Variants in SLC38A6 observed in about 807,000 individuals in gnomAD.
The protein encoded by SLC38A6 is solute carrier family 38 member 6.
SLC38A6 carries 73 observed loss-of-function variants against 65.0 expected under a neutral mutation model. The observed-to-expected ratio is 1.12, with a 90% CI of 0.93 to 1.37. The LOEUF (loss-of-function observed/expected upper bound fraction) is 1.37, where lower values mean the gene tolerates loss of function less well. SLC38A6 is among the 40% of genes most tolerant of loss of function. SLC38A6 has a pLI of 0.00. For synonymous variants in SLC38A6, 183 were observed against 178.8 expected (o/e 1.02, Z -0.19); for missense variants, 561 against 531.1 (o/e 1.06, Z -0.55).
intron 15 of SLC38A6, chr14:61,073,778 A>G (rs1260121670): frequency 6.6e-6 from 1 of 152,118 alleles, no homozygotes; most frequent in African/African-American, 2.4e-5. Context: ...ACTTTAGAAC[A>G]ACATGGGTTT....
intron 3 of SLC38A6, among the ~76,000 whole-genome samples, chr14:61,013,270 A>G (rs1203074851): frequency 1.3e-5 from 2 of 152,108 alleles, no homozygotes; most frequent in African/African-American, 2.4e-5. Flanking sequence ...TTTTGAGCCT[A>G]TGTGTGTCTC....
intron 3 of SLC38A6, among the ~76,000 whole-genome samples, chr14:60,995,743 C>T (rs80171803): frequency 1.3e-5 from 2 of 152,072 alleles, no homozygotes; most frequent in Non-Finnish European, 1.5e-5. Flanking sequence ...TCATGTTGTA[C>T]ACCTTAAATG....
intron 3 of SLC38A6, among the ~76,000 whole-genome samples, chr14:61,011,821 A>G (rs1256052601): frequency 6.6e-6 from 1 of 152,180 alleles, no homozygotes; most frequent in Non-Finnish European, 1.5e-5. Flanking sequence ...GATGTTCATC[A>G]GGGATATTGG....
intron 3 of SLC38A6, among the ~76,000 whole-genome samples, chr14:60,999,631 A>G (rs1749799942): frequency 6.6e-6 from 1 of 152,258 alleles, no homozygotes; most frequent in African/African-American, 2.4e-5. Flanking sequence ...AACTTTGCAG[A>G]TGTGACTGAG....
chr14:61,043,574 G>C, intron 10 of SLC38A6, 71 bp downstream of exon 10: 1 of 1,095,004 alleles, frequency 9.1e-7, no homozygotes, highest in South Asian at 1.4e-5. Flanking sequence ...TTGTGTAACA[G>C]GGTCTCTTAG....
intron 3 of SLC38A6, among the ~76,000 whole-genome samples, chr14:61,006,582 C>A (rs1047640150): frequency 2.6e-5 from 4 of 152,186 alleles, no homozygotes; most frequent in Admixed American, 6.5e-5. Flanking sequence ...AAATGCTCAC[C>A]ATCACTGGCC....
At position 61,045,865 on chromosome 14, in the gene SLC38A6, G is replaced by A. The variant is rs28678924; in HGVS notation, c.825-202G>A. 5.2e-3 allele frequency among the ~76,000 whole-genome samples: 782 copies of A among 151,260 alleles called. 5 individuals carry two copies. The highest frequency in any genetic ancestry group is 0.017 in the African/African-American group (704 of 41,184). ...CACACTACTGTATTCCAGCCTGGGC[G>A]ACAGAGCAAGACTCTGTCTCAAAAA... On this transcript the variant is annotated intron_variant, in intron 11 of 15. Coordinates refer to ENST00000267488, the MANE Select transcript of SLC38A6 (RefSeq NM_153811.3).
At chr14:61,008,778 A>AT (rs1048275942) in intron 3 of SLC38A6, among the ~76,000 whole-genome samples, 1 of 152,186 alleles carries the variant, frequency 6.6e-6, no homozygotes, top group Non-Finnish European at 1.5e-5. Flanking sequence ...TAAGAGTATT[A>AT]TTTTTTGTGA....
At chr14:61,055,110 TTTTTTTTC>T (rs1217296134), downstream of SLC38A6, among the ~76,000 whole-genome samples, 1 of 132,512 alleles carries the variant, frequency 7.5e-6, no homozygotes, top group Non-Finnish European at 1.6e-5. Context: ...CTTTTTCTTT[TTTTTTTTC>T]TTTTTTTTTT....
intron 3 of SLC38A6, among the ~76,000 whole-genome samples, chr14:61,007,047 A>G (rs1373661947): frequency 6.6e-6 from 1 of 152,052 alleles, no homozygotes; most frequent in Middle Eastern, 3.2e-3. Flanking sequence ...ATTGGAAATC[A>G]TCATTCTCAG....
intron 5 of SLC38A6, among the ~76,000 whole-genome samples, chr14:61,020,580 A>C (rs571194904): frequency 6.6e-6 from 1 of 152,224 alleles, no homozygotes; most frequent in East Asian, 1.9e-4. Context: ...ATCCTGTTTT[A>C]ATTCTTTGAA....
downstream of SLC38A6, among the ~76,000 whole-genome samples, chr14:61,053,777 C>T (rs538880773): frequency 2.0e-4 from 31 of 151,996 alleles, no homozygotes; most frequent in Admixed American, 7.2e-4. Flanking sequence ...TCATAGATGC[C>T]GGATATTAGA....
At chr14:61,075,777 T>TTGTGTGTGTGTGTGTGTGTG (rs57421102) in intron 15 of SLC38A6, among the ~76,000 whole-genome samples, 2 of 123,302 alleles carry the variant, frequency 1.6e-5, no homozygotes, top group African/African-American at 6.0e-5. Flanking sequence ...ATCAACCTGT[T>TTGTGTGTGTGTGTGTGTGTG]TGTGTGTGTG....
intron 12 of SLC38A6, among the ~76,000 whole-genome samples, chr14:61,048,709 T>C (rs763581469): frequency 1.3e-5 from 2 of 152,164 alleles, no homozygotes; most frequent in African/African-American, 4.8e-5. Flanking sequence ...AAGGGACTTA[T>C]AGGTATGTAC....
intron 15 of SLC38A6, among the ~76,000 whole-genome samples, chr14:61,068,325 T>C (rs2043102041): frequency 6.6e-6 from 1 of 152,186 alleles, no homozygotes; most frequent in South Asian, 2.1e-4. Context: ...TGTTTAAAAA[T>C]TCAAATCAGA....
intron 15 of SLC38A6, among the ~76,000 whole-genome samples, chr14:61,061,431 A>C (rs2042837955): frequency 1.3e-5 from 2 of 152,154 alleles, no homozygotes; most frequent in African/African-American, 2.4e-5. Context: ...TTTAGTATCA[A>C]GGTGATGCTG....
At chr14:61,082,198 G>C (rs898924705) in intron 16 of SLC38A6, among the ~76,000 whole-genome samples, 3 of 152,136 alleles carry the variant, frequency 2.0e-5, no homozygotes, top group Non-Finnish European at 4.4e-5. Flanking sequence ...AAAAGTTTGA[G>C]ATCTTTGGAT....
At chr14:61,036,641 T>A (rs1218041681) in intron 6 of SLC38A6, among the ~76,000 whole-genome samples, 1 of 152,168 alleles carries the variant, frequency 6.6e-6, no homozygotes. Context: ...TTCTTATTAT[T>A]TTTAATAGTC....
chr14:60,983,407 G>A (rs1416899984), intron 2 of SLC38A6, among the ~76,000 whole-genome samples: 2 of 152,148 alleles, frequency 1.3e-5, no homozygotes, highest in Non-Finnish European at 2.9e-5. Context: ...GAGCCTGAGA[G>A]GTTGAGGCTG....
Sources: gnomAD v4.1 joint callset for allele counts (sites outside exome capture counted in the v4.1 genomes callset) on GRCh38, gnomAD v4.1.1 for gene constraint, MANE v1.5 for transcripts, NCBI Gene and HGNC (gene_info 2026-07-23, HGNC 2026-07-21) for gene names.